ARHGAP23: variants seen among roughly 807,000 people sequenced by gnomAD.
The protein encoded by ARHGAP23 is Rho GTPase activating protein 23, also known as rho GTPase-activating protein 23.
A neutral mutation model predicts 136.3 loss-of-function variants in ARHGAP23; 34 were observed. The ratio of observed to expected loss-of-function variants is 0.25; its 90% CI spans 0.19 to 0.33. The LOEUF (loss-of-function observed/expected upper bound fraction) is 0.33, where lower values mean the gene tolerates loss of function less well. Ranked by LOEUF, ARHGAP23 falls within the 10% of genes least tolerant of loss-of-function variation. ARHGAP23 has a pLI of 1.00. For synonymous variants in ARHGAP23, 832 were observed against 920.5 expected (o/e 0.90, Z 1.74); for missense variants, 1,808 against 2,139.0 (o/e 0.85, Z 3.05).
intron 16 of ARHGAP23, among the ~76,000 whole-genome samples, chr17:38,485,334 C>T (rs1369435309): frequency 6.6e-6 from 1 of 152,132 alleles, no homozygotes; most frequent in Non-Finnish European, 1.5e-5. Flanking sequence ...TTGCCTCCTT[C>T]TGTTAGAACT....
chr17:38,449,455 C>T (rs2039110059), intron 1 of ARHGAP23, among the ~76,000 whole-genome samples: 1 of 152,172 alleles, frequency 6.6e-6, no homozygotes, highest in Non-Finnish European at 1.5e-5. Context: ...ATCAACTTGG[C>T]CTGCTGGGGC....
intron 11 of ARHGAP23, among the ~76,000 whole-genome samples, chr17:38,474,368 C>A (rs2039839763): frequency 6.6e-6 from 1 of 152,114 alleles, no homozygotes; most frequent in African/African-American, 2.4e-5. Flanking sequence ...GTGGAGCAGA[C>A]ACTTTAGAGA....
Position 38,428,639 on chromosome 17 carries a change from G to A in ARHGAP23, c.63+91G>A, listed in dbSNP as rs559565514. ...GGGTCGCTGCGACCCCGCTCGCCCT[G>A]CACAGCCTGGGGCGCACGGTGGGCG... is the stretch of plus-strand genomic sequence containing the variant. On this transcript the variant is annotated intron_variant, in intron 1 of 23. Transcript: ENST00000622683. 602 of 889,778 alleles carry A rather than the reference G, an allele frequency of 6.8e-4. 4 individuals are homozygous for A. The Middle Eastern group carries it at 0.012, about 18-fold the overall frequency. 55.1% of individuals were successfully genotyped at this position (889,778 alleles called of 1,614,324 possible). A position where few individuals can be genotyped will look rare whatever the true frequency, so the allele number is the denominator to read the frequency against.
At chr17:38,504,708 G>A (rs1243779276) in intron 23 of ARHGAP23, among the ~76,000 whole-genome samples, 1 of 152,148 alleles carries the variant, frequency 6.6e-6, no homozygotes, top group Non-Finnish European at 1.5e-5. Context: ...GGGTCTCTAG[G>A]GAGGATTCGA....
intron 1 of ARHGAP23, among the ~76,000 whole-genome samples, chr17:38,442,696 T>C (rs1236801184): frequency 2.6e-5 from 4 of 152,198 alleles, no homozygotes; most frequent in Admixed American, 2.0e-4. Flanking sequence ...AGAAACAGCA[T>C]GTGCAAAGGA....
chr17:38,461,306 G>A (rs1406141879), intron 3 of ARHGAP23, among the ~76,000 whole-genome samples: 1 of 152,220 alleles, frequency 6.6e-6, no homozygotes, highest in East Asian at 1.9e-4. Context: ...GGCTGGTGGT[G>A]GGAGCGCTGA....
chr17:38,510,663 G>T lies in ARHGAP23; in HGVS notation c.4167G>T (p.Arg1389=), dbSNP rs1485108348. The T allele has an allele frequency of 1.4e-6, 2 of 1,387,318 alleles. No homozygotes were observed. The highest frequency in any genetic ancestry group is 7.9e-5 in the Admixed American group (2 of 25,202). The allele number at this position is 1,387,318 out of a possible 1,614,324, so 85.9% of individuals were successfully genotyped here. Residue 1389 remains arginine, a synonymous_variant, in exon 24 of 24, where the codon CGG becomes CGT. Transcript: ENST00000622683. This position sits in a 1 kb window ranked among gnomAD's most constrained non-coding sequence, Gnocchi z 4.6. ...ACGACATGCTCGCCGTGCGCCTGCG[G>T]CGGCCGCTGTCGCCCGAGACCCGGC... ...TADDMLAVRL[R]RPLSPETRRR...
intron 20 of ARHGAP23, among the ~76,000 whole-genome samples, chr17:38,495,463 C>G (rs968102817): frequency 1.3e-5 from 2 of 152,108 alleles, no homozygotes; most frequent in African/African-American, 4.8e-5. Flanking sequence ...GAACTCCTGA[C>G]CTCAGCTGAT....
chr17:38,510,062 C>G lies in ARHGAP23; in HGVS notation c.3566C>G (p.Thr1189Ser), dbSNP rs1400690482. The G allele has an allele frequency of 1.6e-6, 2 of 1,239,822 alleles. No homozygotes were observed. The highest frequency in any genetic ancestry group is 4.2e-5 in the Admixed American group (1 of 23,630). The allele number at this position is 1,239,822 out of a possible 1,614,324, so 76.8% of individuals were successfully genotyped here. Residue 1189 changes from threonine (T) to serine (S), a missense_variant, in exon 24 of 24, where the codon ACC becomes AGC. This residue lies in a region of ARHGAP23 where 104 missense variants were observed against 131.8 expected (regional missense o/e 0.79). Transcript: ENST00000622683. The surrounding 1 kb of genome is among the most constrained non-coding windows in gnomAD (Gnocchi z 4.6). ...RREARGLGSS[T>S]DDDSEQEAHK... Reference sequence around the variant, plus strand: ...GAGGCGCGGGGGCTGGGCAGCAGCACCGACGACGACTCGGAGCAGGAGGCG... The same window carrying G: ...GAGGCGCGGGGGCTGGGCAGCAGCAGCGACGACGACTCGGAGCAGGAGGCG...
chr17:38,434,237 C>T (rs1380176322), intron 1 of ARHGAP23, among the ~76,000 whole-genome samples: 2 of 152,176 alleles, frequency 1.3e-5, no homozygotes, highest in African/African-American at 4.8e-5. Context: ...GAGGAGGAGC[C>T]AGGGCTACTC....
At chr17:38,427,639 G>A (rs967179572), upstream of ARHGAP23, among the ~76,000 whole-genome samples, 2 of 152,176 alleles carry the variant, frequency 1.3e-5, no homozygotes, top group African/African-American at 2.4e-5. Flanking sequence ...CTGGTGATTG[G>A]GAGCCTCTGC....
At chr17:38,486,244 T>G (rs1225808064) in intron 17 of ARHGAP23, 104 bp downstream of exon 17, 7 of 1,128,490 alleles carry the variant, frequency 6.2e-6, no homozygotes, top group Non-Finnish European at 9.0e-6. Flanking sequence ...TTTTTTTTTT[T>G]TTTGAGACAG....
intron 1 of ARHGAP23, among the ~76,000 whole-genome samples, chr17:38,421,331 A>G (rs535733569): frequency 6.6e-6 from 1 of 152,222 alleles, no homozygotes; most frequent in Non-Finnish European, 1.5e-5. Context: ...ACAGCAGCTC[A>G]GCCTGTCCCC....
In ARHGAP23 at chr17:38,419,961, T is replaced by C. The variant is rs540101029; in HGVS notation, n.120+562T>C. Among the ~76,000 whole-genome samples the C allele has an allele frequency of 2.6e-5, 4 of 152,242 alleles. No individual in the cohort carries two copies. In the South Asian group the frequency reaches 8.3e-4, roughly 32 times the overall value. ...TGCAGCAGCTGCTGCCACCATTTCA[T>C]GTCAGTGAAAAGATGGGGTGGGCTA... On this transcript the variant is annotated intron_variant and non_coding_transcript_variant, in intron 1 of 4. Transcript: ENST00000633445.
At chr17:38,487,930 C>A (rs2040193424) in intron 17 of ARHGAP23, among the ~76,000 whole-genome samples, 1 of 152,034 alleles carries the variant, frequency 6.6e-6, no homozygotes, top group South Asian at 2.1e-4. Flanking sequence ...GACACAGAAT[C>A]TTGCTCTGTT....
chr17:38,461,480 G>A (rs12950086), intron 3 of ARHGAP23, among the ~76,000 whole-genome samples: 1,704 of 152,350 alleles, frequency 0.011, 45 homozygotes, highest in African/African-American at 0.039. Flanking sequence ...TCAAGGCAGA[G>A]TGCCTTCTCT....
rs774309587 is a variant in ARHGAP23 at position 38,463,394 on chromosome 17, C to G, written c.483+12C>G. 5.8e-6 allele frequency: 9 copies of G among 1,551,678 alleles called. No homozygotes were observed. Among genetic ancestry groups the G allele is most frequent in the Non-Finnish European group, 7.8e-6 (9 of 1,146,954 alleles). ...ACATCCTCCAGCTGGTGAGTCCAGCCCCTGTGGCCTGAGAGGAGACCCCTG... is the reference window on the plus strand; with the variant it reads ...ACATCCTCCAGCTGGTGAGTCCAGCGCCTGTGGCCTGAGAGGAGACCCCTG... On this transcript the variant is annotated intron_variant, in intron 6 of 23. Transcript: ENST00000622683.
At chr17:38,447,437 G>GA (rs71138625) in intron 1 of ARHGAP23, among the ~76,000 whole-genome samples, 832 of 25,560 alleles carry the variant, frequency 0.033, 123 homozygotes, top group African/African-American at 0.085. Flanking sequence ...GACTCCGTCT[G>GA]AAAAAAAAAA....
Position 38,510,009 on chromosome 17 carries a change from C to G in ARHGAP23, c.3513C>G (p.Ala1171=), listed in dbSNP as rs2040718879. The G allele has an allele frequency of 3.2e-6, 4 of 1,250,828 alleles. No individual in the cohort carries two copies. Among genetic ancestry groups the G allele is most frequent in the Non-Finnish European group, 4.0e-6 (4 of 996,132 alleles). The allele number at this position is 1,250,828 out of a possible 1,614,324, so 77.5% of individuals were successfully genotyped here. A position where few individuals can be genotyped will look rare whatever the true frequency, so the allele number is the denominator to read the frequency against. Residue 1171 remains alanine (A), a synonymous_variant, in exon 24 of 24, where the codon GCC becomes GCG. Coordinates refer to ENST00000622683, the MANE Select transcript of ARHGAP23 (RefSeq NM_001199417.2). This position sits in a 1 kb window ranked among gnomAD's most constrained non-coding sequence, Gnocchi z 4.6. ...REMLAISFIS[A]VNRKRKKRRE... is the part of the protein sequence containing the mutation. The stretch of plus-strand genomic sequence containing the variant: ...TGCTGGCGATCTCCTTCATCTCGGC[C>G]GTCAACCGCAAGCGCAAGAAGCGGC...
Sources: gnomAD v4.1 joint callset for allele counts (sites outside exome capture counted in the v4.1 genomes callset) on GRCh38, gnomAD v4.1.1 for gene constraint, gnomAD v4.1.1 regional missense constraint, Gnocchi (gnomAD v3.1) non-coding constraint, MANE v1.5 for transcripts, NCBI Gene and HGNC (gene_info 2026-07-23, HGNC 2026-07-21) for gene names.